The following KREMEN1 variants were observed in gnomAD, a reference collection of about 807,000 sequenced individuals.
KREMEN1 encodes kremen protein 1.
KREMEN1 carries 30 observed loss-of-function variants against 46.5 expected under a neutral mutation model. That is an observed-to-expected ratio of 0.65 (90% confidence interval 0.48 to 0.88). The LOEUF is 0.88. Among genes scored for constraint, KREMEN1 ranks in the 40% least tolerant of loss-of-function variants. The pLI is 0.00. For missense variants in KREMEN1, 533 were observed against 596.9 expected, an observed-to-expected ratio of 0.89 and a Z score of 1.11; for synonymous variants, 214 against 230.6, an observed-to-expected ratio of 0.93 and a Z score of 0.65.
chr22:29,156,717 C>T (rs35225448), intron 9 of KREMEN1, among the ~76,000 whole-genome samples: 2,303 of 152,342 alleles, frequency 0.015, 37 homozygotes, highest in Non-Finnish European at 0.021. Context: ...GGGGGAGCCC[C>T]AGGGCCTGCA....
At chr22:29,082,054 G>A (rs1569311308) in intron 1 of KREMEN1, among the ~76,000 whole-genome samples, 1 of 108,130 alleles carries the variant, frequency 9.2e-6, no homozygotes, top group Non-Finnish European at 2.0e-5. Flanking sequence ...TAGGTCACAG[G>A]CATTACTAAC....
intron 5 of KREMEN1, among the ~76,000 whole-genome samples, chr22:29,133,421 C>T (rs1319466684): frequency 6.6e-6 from 1 of 151,928 alleles, no homozygotes; most frequent in South Asian, 2.1e-4. Context: ...CTGCCTTAGC[C>T]TCCTGAGTAG....
intron 7 of KREMEN1, among the ~76,000 whole-genome samples, chr22:29,139,734 C>T (rs1158943989): frequency 6.6e-6 from 1 of 152,168 alleles, no homozygotes; most frequent in Non-Finnish European, 1.5e-5. Context: ...GGAAGTGATG[C>T]CTTTATGAGC....
downstream of KREMEN1, among the ~76,000 whole-genome samples, chr22:29,148,399 G>C (rs1372159042): frequency 1.3e-5 from 2 of 152,136 alleles, no homozygotes; most frequent in African/African-American, 2.4e-5. Flanking sequence ...GGCAGGAGTA[G>C]GACAGGAGAC....
At chr22:29,074,990 A>G (rs2037544079) in intron 1 of KREMEN1, among the ~76,000 whole-genome samples, 1 of 152,200 alleles carries the variant, frequency 6.6e-6, no homozygotes, top group Non-Finnish European at 1.5e-5. Context: ...TACCCTGGGA[A>G]TGCTAAGAGC....
At chr22:29,141,440 G>A (rs1411606963) in intron 8 of KREMEN1, among the ~76,000 whole-genome samples, 1 of 152,228 alleles carries the variant, frequency 6.6e-6, no homozygotes, top group Non-Finnish European at 1.5e-5. Flanking sequence ...TAGCATGGCT[G>A]AGGCCCTAAA....
At chr22:29,140,454 G>T in intron 8 of KREMEN1, 88 bp downstream of exon 8, 5 of 988,398 alleles carry the variant, frequency 5.1e-6, no homozygotes, top group Non-Finnish European at 8.0e-6. Flanking sequence ...GGTTACAACT[G>T]TAGAATAAGC....
chr22:29,124,986 T>A lies in KREMEN1; in HGVS notation c.478-277T>A, dbSNP rs145450078. On this transcript the variant is annotated intron_variant, in intron 4 of 8. Coordinates refer to ENST00000400335, the MANE Select transcript of KREMEN1 (RefSeq NM_001039570.3). ...TTAGCTGTTACTCACATTTGAAGTT[T>A]ATGAGATTTTCTCCCCCTTAAAACT... 5.7e-4 allele frequency among the ~76,000 whole-genome samples: 87 copies of A among 152,310 alleles called. 2 individuals are homozygous for A. The East Asian group carries it at 0.015, about 26-fold the overall frequency.
At chr22:29,162,764 T>G (rs2039022644) in intron 9 of KREMEN1, among the ~76,000 whole-genome samples, 1 of 151,852 alleles carries the variant, frequency 6.6e-6, no homozygotes, top group African/African-American at 2.4e-5. Context: ...TGGGTATATA[T>G]CCAAAAGGAA....
intron 3 of KREMEN1, among the ~76,000 whole-genome samples, chr22:29,100,728 C>T (rs945325574): frequency 4.6e-5 from 7 of 152,178 alleles, no homozygotes; most frequent in African/African-American, 1.2e-4. Flanking sequence ...GCAGCTCCTT[C>T]ATGAGGTATT....
Position 29,131,530 on chromosome 22 carries a change from A to ATG in KREMEN1, c.632-5811_632-5810insGT, listed in dbSNP as rs1277773463. On this transcript the variant is annotated intron_variant, in intron 5 of 8. Transcript: ENST00000400335. ...ACTGATCTGTATTCTGTTCATATAT[A>ATG]TATATATATATATATATATATATAT... is the stretch of plus-strand genomic sequence containing the variant. Among the ~76,000 whole-genome samples the ATG allele has an allele frequency of 5.4e-3, 63 of 11,646 alleles. 4 individuals are homozygous for ATG. The highest frequency in any genetic ancestry group is 0.014 in the Admixed American group (8 of 566). 7.6% of individuals were successfully genotyped at this position (11,646 alleles called of 152,430 possible). A position where few individuals can be genotyped will look rare whatever the true frequency, so the allele number is the denominator to read the frequency against.
intron 7 of KREMEN1, 137 bp downstream of exon 7, chr22:29,138,919 A>C: frequency 7.8e-7 from 1 of 1,276,776 alleles, no homozygotes; most frequent in Non-Finnish European, 1.1e-6. Context: ...TGTGACCTAT[A>C]GTCTGTCCTG....
rs533877668 is a variant in KREMEN1, at chr22:29,098,840, A to G, written c.261-22A>G. ...TGAATTAAAACATCAGAAGTCATCA[A>G]TTGTGTCCTTTTCCCCAACAGAAAT... On this transcript the variant is annotated intron_variant, in intron 2 of 8. Transcript: ENST00000400335. The G allele has an allele frequency of 8.9e-5, 141 of 1,577,954 alleles. 1 individual carries two copies. The South Asian group carries it at 9.7e-4, about 11-fold the overall frequency.
chr22:29,156,287 G>A (rs1345315519), intron 9 of KREMEN1, among the ~76,000 whole-genome samples: 1 of 152,236 alleles, frequency 6.6e-6, no homozygotes, highest in Non-Finnish European at 1.5e-5. Flanking sequence ...AAGCCAAAAT[G>A]TCCTTCTCTT....
intron 4 of KREMEN1, among the ~76,000 whole-genome samples, chr22:29,122,571 A>G (rs79357995): frequency 0.014 from 2,131 of 152,306 alleles, 36 homozygotes; most frequent in African/African-American, 0.047. Context: ...ACGTCCATTA[A>G]CTGATGAATG....
chr22:29,146,850 G>T, downstream of KREMEN1: 4 of 939,022 alleles, frequency 4.3e-6, no homozygotes, highest in South Asian at 9.8e-5. Flanking sequence ...CATTTCTATG[G>T]GAGTTCCCCA....
intron 1 of KREMEN1, among the ~76,000 whole-genome samples, chr22:29,078,964 A>C (rs2037613965): frequency 6.6e-6 from 1 of 152,208 alleles, no homozygotes; most frequent in East Asian, 1.9e-4. Flanking sequence ...ATCCAGCTGG[A>C]ACCCGTAAGT....
At chr22:29,099,018 G>A (rs983456036) in intron 3 of KREMEN1, 65 bp downstream of exon 3, 6 of 1,247,364 alleles carry the variant, frequency 4.8e-6, no homozygotes, top group Non-Finnish European at 7.1e-6. Context: ...CGTAGAGGGA[G>A]GCCCCTGCCA....
intron 5 of KREMEN1, among the ~76,000 whole-genome samples, chr22:29,133,082 A>G (rs2038589729): frequency 6.6e-6 from 1 of 152,036 alleles, no homozygotes; most frequent in Non-Finnish European, 1.5e-5. Flanking sequence ...CCCCGTCTCT[A>G]CTAAAAATAC....
Sources: gnomAD v4.1 joint callset for allele counts (sites outside exome capture counted in the v4.1 genomes callset) on GRCh38, gnomAD v4.1.1 for gene constraint, MANE v1.5 for transcripts, NCBI Gene and HGNC (gene_info 2026-07-23, HGNC 2026-07-21) for gene names.